Variants in DDAH1 observed in about 807,000 individuals in gnomAD.
The protein encoded by DDAH1 is dimethylarginine dimethylaminohydrolase 1, also known as N(G),N(G)-dimethylarginine dimethylaminohydrolase 1.
DDAH1 carries 19 observed loss-of-function variants against 28.8 expected under a neutral mutation model. That is an observed-to-expected ratio of 0.66 (90% CI 0.46 to 0.97). DDAH1 has a LOEUF of 0.97. Among genes scored for constraint, DDAH1 ranks in the 50% least tolerant of loss-of-function variants. DDAH1 has a pLI of 0.00. For missense variants in DDAH1, 326 were observed against 375.9 expected (o/e 0.87, Z 1.10); for synonymous variants, 153 against 154.4 (o/e 0.99, Z 0.07).
intron 1 of DDAH1, among the ~76,000 whole-genome samples, chr1:85,501,178 G>T (rs1656804419): frequency 6.6e-6 from 1 of 152,126 alleles, no homozygotes; most frequent in Non-Finnish European, 1.5e-5. Flanking sequence ...TTTAAAGAGT[G>T]TTAAGTTTTG....
At chr1:85,344,382 C>T (rs906425605) in intron 4 of DDAH1, among the ~76,000 whole-genome samples, 4 of 152,112 alleles carry the variant, frequency 2.6e-5, no homozygotes, top group African/African-American at 9.7e-5. Flanking sequence ...AATTCCTCTC[C>T]CACGGGGTTA....
chr1:85,543,686 CTTGT>C (rs1658537623), intron 1 of DDAH1, among the ~76,000 whole-genome samples: 1 of 152,104 alleles, frequency 6.6e-6, no homozygotes, highest in Admixed American at 6.6e-5. Flanking sequence ...TACTAGAATA[CTTGT>C]TTAAGTAATT....
intron 4 of DDAH1, among the ~76,000 whole-genome samples, chr1:85,343,765 A>T (rs1648659325): frequency 6.6e-6 from 1 of 152,258 alleles, no homozygotes; most frequent in Admixed American, 6.5e-5. Flanking sequence ...AGGCAATAAA[A>T]AGCATATAAA....
chr1:85,558,113 T>A (rs1659036137), intron 1 of DDAH1, among the ~76,000 whole-genome samples: 2 of 150,100 alleles, frequency 1.3e-5, no homozygotes, highest in South Asian at 2.1e-4. Flanking sequence ...ATGCCTGTAA[T>A]CCCAGCACTT....
At chr1:85,567,415 A>C (rs773207415) in intron 1 of DDAH1, among the ~76,000 whole-genome samples, 1 of 152,152 alleles carries the variant, frequency 6.6e-6, no homozygotes, top group Admixed American at 6.5e-5. Context: ...ACAAGATCCA[A>C]TGGTTTTAAA....
intron 1 of DDAH1, among the ~76,000 whole-genome samples, chr1:85,505,058 T>C (rs1656966755): frequency 7.1e-6 from 1 of 139,994 alleles, no homozygotes. Context: ...TGATCTCGGC[T>C]CACTGCAACC....
At chr1:85,551,688 A>T (rs1474960046) in intron 1 of DDAH1, among the ~76,000 whole-genome samples, 2 of 152,248 alleles carry the variant, frequency 1.3e-5, no homozygotes, top group Non-Finnish European at 2.9e-5. Flanking sequence ...CATGATGCTA[A>T]AATGGGACAG....
intron 1 of DDAH1, among the ~76,000 whole-genome samples, chr1:85,552,127 A>G (rs973160328): frequency 1.3e-5 from 2 of 152,230 alleles, no homozygotes; most frequent in Non-Finnish European, 2.9e-5. Context: ...CTAGTGATGA[A>G]TAGTACTGGT....
At position 85,465,026 on chromosome 1, in the gene DDAH1, G is replaced by C. The variant is rs755171361; in HGVS notation, c.20C>G (p.Pro7Arg). ...GTGGGTGGCCCGGCCGAAGGCGGCG[G>C]GGTGGCCGAGCCCGGCCATGGCTTC... is the stretch of plus-strand genomic sequence containing the variant. MAGLGHPAAFGRATHAV... is the reference protein window; with the variant it reads MAGLGHRAAFGRATHAV... Residue 7 changes from proline to arginine, a missense_variant, in exon 1 of 6, where the codon CCC becomes CGC. Physicochemically the swap from Pro to Arg is moderately radical, Grantham distance 103 (BLOSUM62 -2). Transcript: ENST00000284031. 1.3e-5 allele frequency: 17 copies of C among 1,326,358 alleles called. No individual in the cohort carries two copies. In the East Asian group the frequency reaches 5.3e-4, roughly 41 times the overall value. 82.2% of individuals were successfully genotyped at this position (1,326,358 alleles called of 1,614,324 possible).
At chr1:85,504,958 ATTCTTTTTTTTTTTTT>A (rs1656958616) in intron 1 of DDAH1, among the ~76,000 whole-genome samples, 8 of 89,350 alleles carry the variant, frequency 9.0e-5, no homozygotes, top group African/African-American at 3.8e-4. Context: ...GCCCTCAATG[ATTCTTTTTTTTTTTTT>A]TTTTTTTTTT....
At chr1:85,475,209 A>G (rs1014347889) in intron 2 of DDAH1, among the ~76,000 whole-genome samples, 1 of 152,212 alleles carries the variant, frequency 6.6e-6, no homozygotes, top group Admixed American at 6.5e-5. Flanking sequence ...TAAAACAAAG[A>G]TTACACATAT....
intron 4 of DDAH1, among the ~76,000 whole-genome samples, chr1:85,340,928 T>C (rs1265752586): frequency 6.6e-6 from 1 of 152,194 alleles, no homozygotes; most frequent in Non-Finnish European, 1.5e-5. Context: ...CTACTGACAC[T>C]TCCCCAGGCT....
chr1:85,455,311 C>G lies in DDAH1; in HGVS notation c.303+9432G>C, dbSNP rs1654837980. Among the ~76,000 whole-genome samples the G allele has an allele frequency of 2.0e-5, 3 of 152,082 alleles. 1 individual carries two copies. In the South Asian group the frequency reaches 6.2e-4, roughly 32 times the overall value. On this transcript the variant is annotated intron_variant, in intron 1 of 5. Coordinates refer to ENST00000284031, the MANE Select transcript of DDAH1 (RefSeq NM_012137.4). ...CTTCCATTACTATTTTGAAACTGCACCAAGATTAATTCATTAATTTCACCT... is the reference window on the plus strand; with the variant it reads ...CTTCCATTACTATTTTGAAACTGCAGCAAGATTAATTCATTAATTTCACCT...
At chr1:85,563,657 CAA>C (rs1659202804) in intron 1 of DDAH1, among the ~76,000 whole-genome samples, 1 of 151,980 alleles carries the variant, frequency 6.6e-6, no homozygotes, top group Non-Finnish European at 1.5e-5. Context: ...TACTAGCATG[CAA>C]ATAAGCAGAA....
Position 85,502,131 on chromosome 1 carries a change from T to C in DDAH1, c.-122-5850A>G, listed in dbSNP as rs76764233. Among the ~76,000 whole-genome samples, 906 of 152,340 alleles carry C rather than the reference T, an allele frequency of 5.9e-3. 8 individuals carry two copies. The highest frequency in any genetic ancestry group is 0.021 in the African/African-American group (872 of 41,580). The stretch of plus-strand genomic sequence containing the variant: ...TATTGGCACTGCTTCAGACAGCACT[T>C]TGCACTTTCTGCCTTTTGAACGATC... On this transcript the variant is annotated intron_variant, in intron 1 of 6. Transcript: ENST00000426972.
chr1:85,432,778 G>T (rs35956189), intron 1 of DDAH1, among the ~76,000 whole-genome samples: 1,729 of 151,954 alleles, frequency 0.011, 30 homozygotes, highest in African/African-American at 0.04. Flanking sequence ...AATATTTAAG[G>T]CATCTAAAAA....
At chr1:85,419,775 G>T (rs893182369) in intron 1 of DDAH1, among the ~76,000 whole-genome samples, 1 of 152,002 alleles carries the variant, frequency 6.6e-6, no homozygotes, top group Admixed American at 6.5e-5. Flanking sequence ...ATCCAACATT[G>T]CATTTGAATC....
At chr1:85,408,381 A>G (rs770840847) in intron 1 of DDAH1, among the ~76,000 whole-genome samples, 15 of 151,938 alleles carry the variant, frequency 9.9e-5, no homozygotes, top group Non-Finnish European at 1.9e-4. Context: ...ATGTTTATCA[A>G]TTTGAAGTAC....
chr1:85,434,234 C>G (rs1298138224), intron 1 of DDAH1, among the ~76,000 whole-genome samples: 1 of 152,098 alleles, frequency 6.6e-6, no homozygotes, highest in Non-Finnish European at 1.5e-5. Context: ...TTTGATGTGT[C>G]ACATGATGCC....
Sources: gnomAD v4.1 joint callset for allele counts (sites outside exome capture counted in the v4.1 genomes callset) on GRCh38, gnomAD v4.1.1 for gene constraint, MANE v1.5 for transcripts, NCBI Gene and HGNC (gene_info 2026-07-23, HGNC 2026-07-21) for gene names.